TERB1: variants seen among roughly 807,000 people sequenced by gnomAD.
The protein encoded by TERB1 is telomere repeat binding bouquet formation protein 1.
A neutral mutation model predicts 92.3 loss-of-function variants in TERB1; 63 were observed. The observed-to-expected ratio is 0.68, with a 90% CI of 0.56 to 0.84. The LOEUF is 0.84. Among genes scored for constraint, TERB1 ranks in the 40% least tolerant of loss-of-function variants. The pLI, the probability that TERB1 is intolerant of heterozygous loss-of-function variation, is 0.00. For missense variants in TERB1, 709 were observed against 843.7 expected (o/e 0.84, Z 1.98); for synonymous variants, 252 against 283.9 (o/e 0.89, Z 1.13).
At chr16:66,799,637 T>C (rs1959224761) in intron 2 of TERB1, among the ~76,000 whole-genome samples, 1 of 152,180 alleles carries the variant, frequency 6.6e-6, no homozygotes, top group African/African-American at 2.4e-5. Flanking sequence ...AATGGTTACT[T>C]TGCACAAAAA....
intron 2 of TERB1, among the ~76,000 whole-genome samples, chr16:66,800,634 C>T (rs1260729215): frequency 6.6e-6 from 1 of 152,032 alleles, no homozygotes; most frequent in Non-Finnish European, 1.5e-5. Context: ...GCTGGCAGGG[C>T]TGATAATCCC....
At chr16:66,779,849 C>A (rs1034967927) in intron 9 of TERB1, among the ~76,000 whole-genome samples, 2 of 152,154 alleles carry the variant, frequency 1.3e-5, no homozygotes, top group African/African-American at 4.8e-5. Flanking sequence ...TATTTTACTT[C>A]TTGGAGCATA....
chr16:66,758,713 C>T (rs1373125041), intron 18 of TERB1, 60 bp downstream of exon 18: 4 of 1,053,296 alleles, frequency 3.8e-6, no homozygotes, highest in African/African-American at 1.6e-5. Flanking sequence ...TGCACTCCAT[C>T]CTGGGTAACA....
At chr16:66,789,304 G>GGACTATATCTTACTTATCCCTGTATC (rs1555509453) in intron 5 of TERB1, among the ~76,000 whole-genome samples, 10 of 109,452 alleles carry the variant, frequency 9.1e-5, no homozygotes, top group Admixed American at 1.9e-4. Flanking sequence ...AAAAAATTCG[G>GGACTATATCTTACTTATCCCTGTATC]CCGGGCGCGG....
At chr16:66,758,945 T>G in intron 17 of TERB1, 107 bp from the exon 18 acceptor site, 1 of 943,148 alleles carries the variant, frequency 1.1e-6, no homozygotes, top group Non-Finnish European at 1.6e-6. Context: ...TGGGAATACT[T>G]AGATAGATTA....
intron 3 of TERB1, among the ~76,000 whole-genome samples, chr16:66,795,855 C>G (rs1806230059): frequency 6.6e-6 from 1 of 152,126 alleles, no homozygotes; most frequent in Non-Finnish European, 1.5e-5. Context: ...CTCAAGTGAT[C>G]CTCCCACCTC....
Position 66,790,672 on chromosome 16 carries a change from T to C in TERB1, c.194A>G (p.Asn65Ser), listed in dbSNP as rs935068432. 22 of 1,550,920 alleles carry C rather than the reference T, an allele frequency of 1.4e-5. No homozygotes were observed. The highest frequency in any genetic ancestry group is 1.8e-5 in the Non-Finnish European group (21 of 1,146,622). Residue 65 changes from asparagine (N) to serine (S), a missense_variant, in exon 5 of 19, where the codon AAT becomes AGT. By Grantham distance (46) the Asn-to-Ser change is conservative. Transcript: ENST00000433154. Reference sequence around the variant, plus strand: ...GCTATGTTCACTTGACTTTGCAAGATTTTTTACAAACATCAAACCACCAAT... The same window carrying C: ...GCTATGTTCACTTGACTTTGCAAGACTTTTTACAAACATCAAACCACCAAT... Reference protein sequence around the residue: ...REIGGLMFVKNLAKSSEHSMV... With the variant: ...REIGGLMFVKSLAKSSEHSMV...
chr16:66,772,832 C>T, intron 12 of TERB1, 83 bp from the exon 13 acceptor site: 3 of 1,077,782 alleles, frequency 2.8e-6, no homozygotes, highest in Non-Finnish European at 3.9e-6. Flanking sequence ...CCACCCTCTC[C>T]TTTCTCTAAA....
intron 18 of TERB1, among the ~76,000 whole-genome samples, chr16:66,757,750 T>A (rs2018160774): frequency 6.6e-6 from 1 of 152,236 alleles, no homozygotes; most frequent in African/African-American, 2.4e-5. Flanking sequence ...GTGTTACTAA[T>A]TAATATATCC....
Position 66,767,447 on chromosome 16 carries a change from C to A in TERB1, c.1748G>T (p.Ser583Ile). The change falls in exon 16 of 19, where the codon AGT (serine) becomes ATT (isoleucine). Residue 583 changes from serine to isoleucine, a missense_variant. Transcript: ENST00000433154. Reference protein sequence around the residue: ...KEVVSFLATPSCSEMLTYRCS... With the variant: ...KEVVSFLATPICSEMLTYRCS... ...CCTATACGTCAACATTTCGGAACAA[C>A]TGGGAGTTGCTAGAAAACTGACTAC... 7 of 1,525,460 alleles carry A rather than the reference C, an allele frequency of 4.6e-6. No homozygotes were observed. The highest frequency in any genetic ancestry group is 2.5e-5 in the East Asian group (1 of 39,802). 94.5% of individuals were successfully genotyped at this position (1,525,460 alleles called of 1,614,324 possible).
chr16:66,784,081 T>C (rs1215535038), intron 9 of TERB1, among the ~76,000 whole-genome samples: 1 of 152,246 alleles, frequency 6.6e-6, no homozygotes, highest in East Asian at 1.9e-4. Context: ...ACTCTTTTAA[T>C]ATCTGTTAAG....
intron 16 of TERB1, among the ~76,000 whole-genome samples, chr16:66,760,409 A>G (rs2018216630): frequency 7.2e-6 from 1 of 139,300 alleles, no homozygotes; most frequent in South Asian, 2.6e-4. Context: ...CAGTGAGCTG[A>G]GATCACGACT....
At chr16:66,800,391 A>AGTT (rs35166666) in intron 2 of TERB1, among the ~76,000 whole-genome samples, 23,093 of 117,726 alleles carry the variant, frequency 0.2, 4,237 homozygotes, top group African/African-American at 0.48. Flanking sequence ...AAATAAAGAA[A>AGTT]GTTTTTTTTT....
At chr16:66,801,692 G>A (rs1959321053), upstream of TERB1, 1 of 152,202 alleles carries the variant, frequency 6.6e-6, no homozygotes, top group Non-Finnish European at 1.5e-5. Flanking sequence ...GGTGCCCTAG[G>A]TTGCCAAGGG....
chr16:66,766,505 C>T (rs542171075), intron 16 of TERB1, among the ~76,000 whole-genome samples: 1 of 152,040 alleles, frequency 6.6e-6, no homozygotes, highest in Non-Finnish European at 1.5e-5. Flanking sequence ...GGAACATTTA[C>T]AAGAGCCCTG....
At position 66,775,214 on chromosome 16, in the gene TERB1, T is replaced by C. The variant is rs2018525541; in HGVS notation, c.1015A>G (p.Asn339Asp). The C allele has an allele frequency of 1.3e-6, 2 of 1,551,310 alleles. No individual in the cohort carries two copies. Among genetic ancestry groups the C allele is most frequent in the African/African-American group, 2.7e-5 (2 of 73,164 alleles). The change falls in exon 12 of 19, where the codon AAT becomes GAT. Residue 339 changes from asparagine to aspartate, a missense_variant. Coordinates refer to ENST00000433154, the MANE Select transcript of TERB1 (RefSeq NM_001136505.2). ...EENQYDLFKN[N>D]GLPLMIQALT... ...GCTTGAATCATGAGTGGAAGCCCAT[T>C]GTTTTTAAAAAGGTCATACTGATTT...
intron 11 of TERB1, among the ~76,000 whole-genome samples, chr16:66,775,456 A>G (rs1052378776): frequency 6.6e-6 from 1 of 152,062 alleles, no homozygotes; most frequent in African/African-American, 2.4e-5. Flanking sequence ...CAACATGGTG[A>G]AACCCAGTCT....
At chr16:66,770,441 GT>G in intron 13 of TERB1, 132 bp from the exon 14 acceptor site, 2 of 625,192 alleles carry the variant, frequency 3.2e-6, no homozygotes, top group Admixed American at 3.4e-5. Context: ...ATAAAAGGCA[GT>G]TTACATTAGG....
chr16:66,764,142 G>A (rs1435243167), intron 16 of TERB1, among the ~76,000 whole-genome samples: 5 of 152,262 alleles, frequency 3.3e-5, no homozygotes, highest in East Asian at 3.9e-4. Flanking sequence ...AAGATGACAC[G>A]ATTTCATTTG....
Sources: allele counts gnomAD v4.1 joint callset (sites outside exome capture counted in the v4.1 genomes callset), GRCh38; gene constraint gnomAD v4.1.1; transcripts MANE v1.5; gene names NCBI Gene and HGNC (gene_info 2026-07-23, HGNC 2026-07-21).